The following NBR1 variants were observed in gnomAD, a reference collection of about 807,000 sequenced individuals.
NBR1 encodes the protein NBR1 autophagy cargo receptor.
A neutral mutation model predicts 115.5 loss-of-function variants in NBR1; 59 were observed. That is an observed-to-expected ratio of 0.51 (90% CI 0.41 to 0.63). The LOEUF (loss-of-function observed/expected upper bound fraction) is 0.63. Among genes scored for constraint, NBR1 ranks in the 30% least tolerant of loss-of-function variants. NBR1 has a pLI of 0.00. For missense variants in NBR1, 1,043 were observed against 1,150.5 expected (o/e 0.91, Z 1.35); for synonymous variants, 373 against 414.7 (o/e 0.90, Z 1.22).
intron 5 of NBR1, 55 bp downstream of exon 5, chr17:43,180,872 G>A: frequency 7.5e-7 from 1 of 1,325,524 alleles, no homozygotes; most frequent in South Asian, 1.7e-5. Context: ...ATTATGGGTT[G>A]GTTTTTTTTC....
chr17:43,190,571 A>G (rs746795531), intron 8 of NBR1, 38 bp from the exon 9 acceptor site: 3 of 1,550,590 alleles, frequency 1.9e-6, no homozygotes, highest in Admixed American at 2.0e-5. Context: ...GGTACTTCCT[A>G]TTCTGCCATT....
At chr17:43,176,746 A>G (rs1246922283) in intron 2 of NBR1, 1 of 151,872 alleles carries the variant, frequency 6.6e-6, no homozygotes, top group Non-Finnish European at 1.5e-5. Flanking sequence ...TTCTTTTCCT[A>G]GTAGTTAAAT....
chr17:43,195,181 C>T (rs903517478), intron 14 of NBR1, 142 bp downstream of exon 14: 8 of 692,610 alleles, frequency 1.2e-5, no homozygotes, highest in African/African-American at 5.5e-5. Flanking sequence ...ATCATGGATC[C>T]GTTTTTCTTC....
At chr17:43,190,521 G>A in intron 8 of NBR1, 88 bp from the exon 9 acceptor site, 16 of 1,433,000 alleles carry the variant, frequency 1.1e-5, no homozygotes, top group Non-Finnish European at 1.5e-5. Flanking sequence ...GTTGGTACTG[G>A]AGCAAACATA....
intron 9 of NBR1, among the ~76,000 whole-genome samples, chr17:43,191,081 G>A (rs987383598): frequency 3.3e-5 from 5 of 152,100 alleles, no homozygotes; most frequent in African/African-American, 4.8e-5. Context: ...GCAAGATCCC[G>A]CCTCTACAAA....
intron 1 of NBR1, among the ~76,000 whole-genome samples, chr17:43,174,881 G>A (rs11654700): frequency 0.3 from 45,522 of 150,764 alleles, 7,435 homozygotes; most frequent in South Asian, 0.49. Flanking sequence ...AGATCATGAG[G>A]TCAGGAGATC....
chr17:43,191,586 G>A lies in NBR1; in HGVS notation c.1073+5G>A. ...GCTCCAGTCTAATACCCTGATGTAA[G>A]CCCAGGACTGGGGTGGGAGCCAAAA... On this transcript the variant is annotated splice_donor_5th_base_variant and intron_variant, in intron 10 of 20. Transcript: ENST00000590996. 6.3e-7 allele frequency: 1 copy of A among 1,597,970 alleles called. No homozygotes were observed. Among genetic ancestry groups the A allele is most frequent in the Non-Finnish European group, 8.5e-7 (1 of 1,173,026 alleles).
intron 1 of NBR1, among the ~76,000 whole-genome samples, chr17:43,174,513 G>T (rs919140904): frequency 2.0e-5 from 3 of 152,102 alleles, no homozygotes; most frequent in Non-Finnish European, 4.4e-5. Context: ...TGAGAGAATC[G>T]CTTGAAACCA....
intron 16 of NBR1, 76 bp downstream of exon 16, chr17:43,197,182 TG>T: frequency 7.4e-7 from 1 of 1,354,036 alleles, no homozygotes; most frequent in Non-Finnish European, 1.0e-6. Flanking sequence ...TAGTTAGATG[TG>T]CTCTTCTTCA....
chr17:43,195,130 A>G (rs1597997727), intron 14 of NBR1, 91 bp downstream of exon 14: 1 of 985,956 alleles, frequency 1.0e-6, no homozygotes, highest in South Asian at 1.4e-5. Context: ...ATTCTGAGGA[A>G]ATGGCAAGGA....
rs779727307 is a variant in NBR1, at chr17:43,202,620, A to G, written c.2564-35A>G. 21 of 1,518,004 alleles carry G rather than the reference A, an allele frequency of 1.4e-5. No homozygotes were observed. In the Admixed American group the frequency reaches 4.1e-4, roughly 30 times the overall value. The allele number at this position is 1,518,004 out of a possible 1,614,324, so 94.0% of individuals were successfully genotyped here. On this transcript the variant is annotated intron_variant, in intron 18 of 20. Coordinates refer to ENST00000590996, the MANE Select transcript of NBR1 (RefSeq NM_005899.5). ...GTTAGGAAACAGTAGGTGCTTATGG[A>G]TGCTGCATCTAACCAACAGCTCTTT...
At position 43,190,725 on chromosome 17, in the gene NBR1, G is replaced by T; in HGVS notation, c.812G>T (p.Cys271Phe). 5 of 1,613,782 alleles carry T rather than the reference G, an allele frequency of 3.1e-6. No individual in the cohort carries two copies. Among genetic ancestry groups the T allele is most frequent in the Non-Finnish European group, 4.2e-6 (5 of 1,179,774 alleles). The change falls in exon 9 of 21, where the codon TGT becomes TTT. Residue 271 changes from cysteine (C) to phenylalanine (F), a missense_variant. Transcript: ENST00000590996. ...GTTGTGGGCTCCTCTGAACCGTTCTGTCACTCAAAGTACTCTACTCCTCGT... is the reference window on the plus strand; with the variant it reads ...GTTGTGGGCTCCTCTGAACCGTTCTTTCACTCAAAGTACTCTACTCCTCGT... ...RPVVGSSEPF[C>F]HSKYSTPRLP... is the part of the protein sequence containing the mutation.
chr17:43,189,548 G>T, intron 7 of NBR1, 40 bp from the exon 8 acceptor site: 1 of 1,456,804 alleles, frequency 6.9e-7, no homozygotes, highest in Admixed American at 1.7e-5. Flanking sequence ...TTCTGATATT[G>T]GAACTGAGTT....
Position 43,209,904 on chromosome 17 carries a change from A to G in NBR1, c.2731A>G (p.Ile911Val). 3 of 1,537,036 alleles carry G rather than the reference A, an allele frequency of 2.0e-6. No homozygotes were observed. The highest frequency in any genetic ancestry group is 2.6e-6 in the Non-Finnish European group (3 of 1,143,054). ...TGCTTTGCTTGTCTCTACACAGCCA[A>G]TAATTTCTGAAGATCAGACAGCAGC... ...FAGPPVTAQP[I>V]ISEDQTAALM... is the part of the protein sequence containing the mutation. Residue 911 changes from isoleucine (I) to valine (V), a missense_variant, in exon 21 of 21, where the codon ATA (isoleucine) becomes GTA (valine). Transcript: ENST00000590996.
Position 43,209,891 on chromosome 17 carries a change from C to CTTTTT in NBR1, c.2728-9_2728-8insTTTTT. The CTTTTT allele has an allele frequency of 7.0e-7, 1 of 1,428,018 alleles. No homozygotes were observed. Among genetic ancestry groups the CTTTTT allele is most frequent in the East Asian group, 2.7e-5 (1 of 36,770 alleles). The allele number at this position is 1,428,018 out of a possible 1,614,324, so 88.5% of individuals were successfully genotyped here. On this transcript the variant is annotated splice_polypyrimidine_tract_variant and intron_variant, in intron 20 of 20. Coordinates refer to ENST00000590996, the MANE Select transcript of NBR1 (RefSeq NM_005899.5). ...TTTTTTTTTTTTTTGCTTTGCTTGTCTCTACACAGCCAATAATTTCTGAAG... is the reference window on the plus strand; with the variant it reads ...TTTTTTTTTTTTTTGCTTTGCTTGTCTTTTTTCTACACAGCCAATAATTTCTGAAG...
intron 3 of NBR1, 131 bp from the exon 4 acceptor site, chr17:43,179,263 C>G (rs2056603480): frequency 1.4e-6 from 1 of 740,160 alleles, no homozygotes; most frequent in Non-Finnish European, 2.4e-6. Flanking sequence ...TTATTCATGA[C>G]TAGCAAGTGA....
At chr17:43,177,828 A>T in intron 2 of NBR1, 108 bp from the exon 3 acceptor site, 1 of 978,152 alleles carries the variant, frequency 1.0e-6, no homozygotes, top group Non-Finnish European at 1.4e-6. Context: ...ACCCTTTGTT[A>T]TGGGTTATTA....
At chr17:43,202,192 A>AC (rs1463545690) in intron 18 of NBR1, among the ~76,000 whole-genome samples, 3 of 150,228 alleles carry the variant, frequency 2.0e-5, no homozygotes, top group Non-Finnish European at 4.5e-5. Context: ...AAAAAAAAAA[A>AC]AAAAACTTGC....
rs2057071431 is a variant in NBR1 at position 43,196,509 on chromosome 17, A to G, written c.1779A>G (p.Pro593=). The change falls in exon 15 of 21, where the codon CCA becomes CCG. Residue 593 remains proline (P), a synonymous_variant. Coordinates refer to ENST00000590996, the MANE Select transcript of NBR1 (RefSeq NM_005899.5). ...VDVTPCMSPL[P]HDSPLIEKPG... is the part of the protein sequence containing the mutation. ...TGACTCCCTGCATGTCTCCTCTGCC[A>G]CATGACAGTCCTTTAATAGAGAAGC... 3 of 1,598,044 alleles carry G rather than the reference A, an allele frequency of 1.9e-6. No homozygotes were observed. The highest frequency in any genetic ancestry group is 2.6e-6 in the Non-Finnish European group (3 of 1,174,912).
Sources: gnomAD v4.1 joint callset for allele counts (sites outside exome capture counted in the v4.1 genomes callset) on GRCh38, gnomAD v4.1.1 for gene constraint, MANE v1.5 for transcripts, NCBI Gene and HGNC (gene_info 2026-07-23, HGNC 2026-07-21) for gene names.